Variants in DOCK2 observed in about 807,000 individuals in gnomAD.
The protein encoded by DOCK2 is dedicator of cytokinesis protein 2.
In DOCK2, 87 loss-of-function variants were observed where a neutral mutation model predicts 248.9. The observed-to-expected ratio is 0.35, with a 90% CI of 0.29 to 0.42. DOCK2 has a LOEUF of 0.42. Ranked by LOEUF, DOCK2 falls within the 10% of genes least tolerant of loss-of-function variation. The pLI is 1.00. For missense variants in DOCK2, 1,747 were observed against 2,300.2 expected, an observed-to-expected ratio of 0.76 and a Z score of 4.92; for synonymous variants, 805 against 821.6, an observed-to-expected ratio of 0.98 and a Z score of 0.35.
chr5:169,716,280 A>G lies in DOCK2; in HGVS notation c.2009A>G (p.Asp670Gly), dbSNP rs1312449522. ...MMEHSQSDEYDILVFDALIYI... is the reference protein window; with the variant it reads ...MMEHSQSDEYGILVFDALIYI... ...GAGCATTCTCAAAGTGATGAATATG[A>G]CATCCTCGTCTTTGATGCCTTGGTA... The change falls in exon 20 of 52, where the codon GAC becomes GGC. Residue 670 changes from aspartate (D) to glycine (G), a missense_variant. Physicochemically the swap from Asp to Gly is moderately conservative, Grantham distance 94. This residue lies in a region of DOCK2 where 858 missense variants were observed against 1,183.5 expected (regional missense o/e 0.72). Transcript: ENST00000520908. 7 of 1,613,678 alleles carry G rather than the reference A, an allele frequency of 4.3e-6. No individual in the cohort carries two copies. Among genetic ancestry groups the G allele is most frequent in the Admixed American group, 1.7e-5 (1 of 59,996 alleles).
chr5:170,066,947 C>G (rs1757511746), intron 44 of DOCK2, among the ~76,000 whole-genome samples: 1 of 152,180 alleles, frequency 6.6e-6, no homozygotes. Flanking sequence ...AGATCTCATG[C>G]TCTTGCAAAC....
intron 25 of DOCK2, among the ~76,000 whole-genome samples, chr5:169,799,678 T>C (rs1231162385): frequency 6.6e-6 from 1 of 152,240 alleles, no homozygotes. Flanking sequence ...GGACTAAATA[T>C]TTAACTTAAG....
At chr5:169,967,936 G>T (rs1378141843) in intron 27 of DOCK2, among the ~76,000 whole-genome samples, 1 of 152,178 alleles carries the variant, frequency 6.6e-6, no homozygotes, top group Non-Finnish European at 1.5e-5. Context: ...TGGCCAAAGT[G>T]GCTGGTTCTG....
Position 169,996,175 on chromosome 5 carries a change from G to A in DOCK2, c.3072+11G>A. 1.2e-6 allele frequency: 2 copies of A among 1,613,262 alleles called. No homozygotes were observed. The highest frequency in any genetic ancestry group is 1.7e-6 in the Non-Finnish European group (2 of 1,179,616). ...AACTTTGAGTTCCAGGTGAGTATAA[G>A]CCACCAGAGCTACCCTTGGAGCTGC... On this transcript the variant is annotated intron_variant, in intron 30 of 51. Coordinates refer to ENST00000520908, the MANE Select transcript of DOCK2 (RefSeq NM_004946.3).
chr5:169,877,158 T>C (rs1469285935), intron 27 of DOCK2, among the ~76,000 whole-genome samples: 2 of 152,280 alleles, frequency 1.3e-5, no homozygotes, highest in Admixed American at 6.5e-5. Flanking sequence ...AAGGAACTTA[T>C]GTAAAGGCAC....
intron 26 of DOCK2, among the ~76,000 whole-genome samples, chr5:169,835,049 G>T (rs1769474692): frequency 6.6e-6 from 1 of 151,892 alleles, no homozygotes; most frequent in African/African-American, 2.4e-5. Context: ...TTTTTTTTTG[G>T]TGGGGGGGTG....
rs746092334 is a variant in DOCK2, at chr5:170,069,261, C to T, written c.4728+41C>T. The T allele has an allele frequency of 3.1e-6, 5 of 1,603,432 alleles. No homozygotes were observed. The East Asian group carries it at 1.1e-4, about 36-fold the overall frequency. On this transcript the variant is annotated intron_variant, in intron 46 of 51. Transcript: ENST00000520908. ...CCAGGGGAGCATGCTGCTCTCCTTC[C>T]TCTCCCCCCACCGTGGTTCACTTGC...
intron 9 of DOCK2, among the ~76,000 whole-genome samples, chr5:169,692,619 G>A (rs1391918946): frequency 6.6e-6 from 1 of 152,044 alleles, no homozygotes; most frequent in African/African-American, 2.4e-5. Context: ...AGAGAAGAAG[G>A]TGGAATGGGG....
rs1758436634 is a variant in DOCK2, at chr5:169,661,366, TAGGTAGTA to T, written c.127+6891_127+6898del. ...CAACATGATGTTATGAGATACATAA[TAGGTAGTA>T]AGGTAGTAAGATAGTTACGATAGTG... On this transcript the variant is annotated intron_variant, in intron 2 of 51. Coordinates refer to ENST00000520908, the MANE Select transcript of DOCK2 (RefSeq NM_004946.3). Among the ~76,000 whole-genome samples the T allele has an allele frequency of 5.3e-5, 8 of 152,322 alleles. No homozygotes were observed. The South Asian group carries it at 1.7e-3, about 32-fold the overall frequency.
At chr5:169,691,396 C>T (rs942809494) in intron 9 of DOCK2, among the ~76,000 whole-genome samples, 3 of 152,174 alleles carry the variant, frequency 2.0e-5, no homozygotes, top group Non-Finnish European at 2.9e-5. Context: ...TGATGGTGCT[C>T]TCACTTCTTA....
At chr5:169,685,806 G>A (rs1336228369) in intron 8 of DOCK2, among the ~76,000 whole-genome samples, 2 of 152,148 alleles carry the variant, frequency 1.3e-5, no homozygotes, top group African/African-American at 4.8e-5. Context: ...GAGAAAATGA[G>A]GCTCAGGGAA....
chr5:169,985,796 G>T (rs573318664), intron 28 of DOCK2, 32 bp from the exon 29 acceptor site: 1 of 1,559,540 alleles, frequency 6.4e-7, no homozygotes, highest in Admixed American at 1.8e-5. Flanking sequence ...TGTAAAACAG[G>T]ATGACATGTG....
chr5:169,777,111 C>G (rs1452255703), intron 25 of DOCK2, among the ~76,000 whole-genome samples: 1 of 152,172 alleles, frequency 6.6e-6, no homozygotes, highest in Non-Finnish European at 1.5e-5. Context: ...CCCAAACTTA[C>G]CAGTGTTTGT....
At chr5:169,694,037 C>T (rs1760461699) in intron 9 of DOCK2, among the ~76,000 whole-genome samples, 1 of 152,208 alleles carries the variant, frequency 6.6e-6, no homozygotes, top group Admixed American at 6.5e-5. Context: ...ACAACCTAGC[C>T]AGGTTGGCAT....
chr5:170,018,981 T>C lies in DOCK2; in HGVS notation c.3254T>C (p.Ile1085Thr), dbSNP rs774075308. 1 of 1,614,072 alleles carries C rather than the reference T, an allele frequency of 6.2e-7. No individual in the cohort carries two copies. The highest frequency in any genetic ancestry group is 8.5e-7 in the Non-Finnish European group (1 of 1,179,944). ...TCAGGTCAGAACAAAATCTGCTTCA[T>C]CCCAGGCATGGTAGGACCTATATTA... The part of the protein sequence containing the change: ...YKLGQNKICF[I>T]PGMVGPILEM... The change falls in exon 33 of 52, where the codon ATC (isoleucine) becomes ACC (threonine). Residue 1085 changes from isoleucine (I) to threonine (T), a missense_variant. Ile to Thr is a moderately conservative substitution (Grantham distance 89). Transcript: ENST00000520908.
chr5:169,742,729 G>C (rs1353559061), intron 22 of DOCK2, among the ~76,000 whole-genome samples: 1 of 152,208 alleles, frequency 6.6e-6, no homozygotes, highest in Non-Finnish European at 1.5e-5. Context: ...GCGTGAAAGA[G>C]GTGGTACAGA....
chr5:169,677,220 C>T (rs1216910848), intron 6 of DOCK2, among the ~76,000 whole-genome samples: 6 of 152,224 alleles, frequency 3.9e-5, no homozygotes, highest in Non-Finnish European at 5.9e-5. Context: ...AAGAAAAACA[C>T]ACTCTTGTCA....
At chr5:169,798,093 G>A (rs991673756) in intron 25 of DOCK2, among the ~76,000 whole-genome samples, 1 of 152,132 alleles carries the variant, frequency 6.6e-6, no homozygotes, top group South Asian at 2.1e-4. Flanking sequence ...TGCCTTTCAG[G>A]TTGATAAACC....
rs770923851 is a variant in DOCK2 at position 169,833,800 on chromosome 5, CA to C, written c.2704-6956del. Among the ~76,000 whole-genome samples, 23 of 152,246 alleles carry C rather than the reference CA, an allele frequency of 1.5e-4. 1 individual carries two copies. Among genetic ancestry groups the C allele is most frequent in the Non-Finnish European group, 2.9e-4 (20 of 68,038 alleles). ...TAGCGCACTGGTGGCCAGGCCTTCA[CA>C]CATCATGCAGGGATCAGACAATTCT... On this transcript the variant is annotated intron_variant, in intron 26 of 51. Transcript: ENST00000520908.
Sources: allele counts gnomAD v4.1 joint callset (sites outside exome capture counted in the v4.1 genomes callset), GRCh38; gene constraint gnomAD v4.1.1; regional missense constraint gnomAD v4.1.1; transcripts MANE v1.5; gene names NCBI Gene and HGNC (gene_info 2026-07-23, HGNC 2026-07-21).